Variants in CACNA1G observed in about 807,000 individuals in gnomAD.
The protein encoded by CACNA1G is voltage-dependent T-type calcium channel subunit alpha-1G.
CACNA1G carries 67 observed loss-of-function variants against 219.4 expected under a neutral mutation model. The ratio of observed to expected loss-of-function variants is 0.31; its 90% CI spans 0.25 to 0.37. The LOEUF (loss-of-function observed/expected upper bound fraction) is 0.37, where lower values mean the gene tolerates loss of function less well. Among genes scored for constraint, CACNA1G ranks in the 10% least tolerant of loss-of-function variants. The pLI is 1.00. For missense variants in CACNA1G, 2,380 were observed against 3,231.4 expected, an observed-to-expected ratio of 0.74 and a Z score of 6.39; for synonymous variants, 1,296 against 1,345.3, an observed-to-expected ratio of 0.96 and a Z score of 0.80.
At position 50,609,910 on chromosome 17, in the gene CACNA1G, C is replaced by A. The variant is rs767434117; in HGVS notation, c.4734C>A (p.Ser1578=). The change falls in exon 26 of 38, where the codon TCC becomes TCA. Residue 1578 remains serine, a synonymous_variant. Transcript: ENST00000359106. ...TAATGCTGGACGATGTAATTGCTTC[C>A]GGCAGCTCAGCCAGCGCTGCGTCAG... ...RNLMLDDVIA[S]GSSASAASEA... 3 of 1,611,436 alleles carry A rather than the reference C, an allele frequency of 1.9e-6. No individual in the cohort carries two copies. The highest frequency in any genetic ancestry group is 1.7e-6 in the Non-Finnish European group (2 of 1,179,792).
chr17:50,618,050 G>A lies in CACNA1G; in HGVS notation c.5229G>A (p.Val1743=), dbSNP rs532438743. 2 of 1,613,804 alleles carry A rather than the reference G, an allele frequency of 1.2e-6. No individual in the cohort carries two copies. Among genetic ancestry groups the A allele is most frequent in the African/African-American group, 1.3e-5 (1 of 75,014 alleles). ...LDTVMQALPQ[V]GNLGLLFMLL... ...CTATTTCTTCTCCTTTTTTCCAGGT[G>A]GGGAACCTGGGACTTCTCTTCATGT... Residue 1743 remains valine, a splice_region_variant and synonymous_variant, in exon 31 of 38, where the codon GTG becomes GTA. Transcript: ENST00000359106. This position sits in a 1 kb window ranked among gnomAD's most constrained non-coding sequence, Gnocchi z 5.3.
Position 50,618,992 on chromosome 17 carries a change from C to T in CACNA1G, c.5765C>T (p.Ser1922Phe), listed in dbSNP as rs763517294. The change falls in exon 33 of 38, where the codon TCC becomes TTC. Residue 1922 changes from serine (S) to phenylalanine (F), a missense_variant. Physicochemically the swap from Ser to Phe is radical, Grantham distance 155 (BLOSUM62 -2). Transcript: ENST00000359106. This position sits in a 1 kb window ranked among gnomAD's most constrained non-coding sequence, Gnocchi z 5.3. ...AAHARSASHF[S>F]LEHPTDRQLF... ...CACGCGAGATCAGCCTCCCACTTTTCCCTGGAGCACCCCACGGTGAGCAGA... is the reference window on the plus strand; with the variant it reads ...CACGCGAGATCAGCCTCCCACTTTTTCCTGGAGCACCCCACGGTGAGCAGA... The T allele has an allele frequency of 5.2e-6, 8 of 1,530,670 alleles. No individual in the cohort carries two copies. Among genetic ancestry groups the T allele is most frequent in the Non-Finnish European group, 6.1e-6 (7 of 1,140,142 alleles). 94.8% of individuals were successfully genotyped at this position (1,530,670 alleles called of 1,614,324 possible). A position where few individuals can be genotyped will look rare whatever the true frequency, so the allele number is the denominator to read the frequency against.
intron 9 of CACNA1G, among the ~76,000 whole-genome samples, chr17:50,579,418 C>G (rs1261328581): frequency 6.6e-6 from 1 of 152,140 alleles, no homozygotes; most frequent in Non-Finnish European, 1.5e-5. Context: ...GATCCCCCAT[C>G]ATGAGCTGAA....
intron 36 of CACNA1G, 40 bp from the exon 37 acceptor site, chr17:50,624,320 T>A (rs1032255673): frequency 7.5e-6 from 11 of 1,457,118 alleles, no homozygotes; most frequent in Non-Finnish European, 1.0e-5. Context: ...CCAGCTCCAT[T>A]CTCTCCCCCC....
At chr17:50,624,194 G>T (rs1424026884) in intron 36 of CACNA1G, 119 bp downstream of exon 36, 2 of 1,348,438 alleles carry the variant, frequency 1.5e-6, no homozygotes, top group Non-Finnish European at 1.0e-6. Flanking sequence ...TCTGACCTCA[G>T]GGGAGCCTCC....
At position 50,596,540 on chromosome 17, in the gene CACNA1G, G is replaced by A. The variant is rs780082430; in HGVS notation, c.2980-22G>A. 1.4e-5 allele frequency: 23 copies of A among 1,609,174 alleles called. No individual in the cohort carries two copies. In the South Asian group the frequency reaches 2.3e-4, roughly 16 times the overall value. On this transcript the variant is annotated intron_variant, in intron 14 of 37. Coordinates refer to ENST00000359106, the MANE Select transcript of CACNA1G (RefSeq NM_018896.5). This position sits in a 1 kb window ranked among gnomAD's most constrained non-coding sequence, Gnocchi z 4.8. ...CCCAAGCCTGGCCGGATCCCTAATGGTCCGCTGCTCCCCTGCCCTAGGGAG... is the reference window on the plus strand; with the variant it reads ...CCCAAGCCTGGCCGGATCCCTAATGATCCGCTGCTCCCCTGCCCTAGGGAG...
Position 50,623,996 on chromosome 17 carries a change from C to T in CACNA1G, c.6150C>T (p.Asp2050=), listed in dbSNP as rs965408226. The part of the protein sequence containing the change: ...GVSRTHSLPN[D]SYMCRHGSTA... ...GCCGAACGCACTCTCTGCCCAATGACAGCTACATGTGTCGGCATGGGAGCA... is the reference window on the plus strand; with the variant it reads ...GCCGAACGCACTCTCTGCCCAATGATAGCTACATGTGTCGGCATGGGAGCA... Residue 2050 remains aspartate, a synonymous_variant, in exon 36 of 38, where the codon GAC becomes GAT. Transcript: ENST00000359106. 6.2e-7 allele frequency: 1 copy of T among 1,613,316 alleles called. No individual in the cohort carries two copies. Among genetic ancestry groups the T allele is most frequent in the Non-Finnish European group, 8.5e-7 (1 of 1,179,856 alleles).
At chr17:50,614,806 G>A (rs1263945059) in intron 26 of CACNA1G, among the ~76,000 whole-genome samples, 1 of 152,206 alleles carries the variant, frequency 6.6e-6, no homozygotes, top group South Asian at 2.1e-4. Flanking sequence ...CCCAGGCCCC[G>A]CCTTCTGGAG....
chr17:50,620,649 A>C (rs2051632688), intron 34 of CACNA1G, among the ~76,000 whole-genome samples: 1 of 152,164 alleles, frequency 6.6e-6, no homozygotes, highest in Non-Finnish European at 1.5e-5. Context: ...GCAGATAGAA[A>C]AGCCGAGTCC....
In CACNA1G at chr17:50,626,890, G is replaced by T. The variant is rs1305391941; in HGVS notation, c.*139G>T. On this transcript the variant is annotated 3_prime_UTR_variant, in exon 38 of 38. Transcript: ENST00000359106. The surrounding 1 kb of genome is among the most constrained non-coding windows in gnomAD (Gnocchi z 4.3). Reference sequence around the variant, plus strand: ...CTCCTCCCTGCCTCAGTGGCTCTGGGTACCTGCAAGCAGAACTTCCAAAGA... The same window carrying T: ...CTCCTCCCTGCCTCAGTGGCTCTGGTTACCTGCAAGCAGAACTTCCAAAGA... 1 of 1,076,338 alleles carries T rather than the reference G, an allele frequency of 9.3e-7. No individual in the cohort carries two copies. The allele number at this position is 1,076,338 out of a possible 1,614,324, so 66.7% of individuals were successfully genotyped here. A position where few individuals can be genotyped will look rare whatever the true frequency, so the allele number is the denominator to read the frequency against.
At position 50,617,638 on chromosome 17, in the gene CACNA1G, G is replaced by T; in HGVS notation, c.5155+67G>T. ...GCCCAGGGAGAGAGAGCAAGGGTCG[G>T]CTTTGTGGCTGGTCAAGGCCTGGGC... On this transcript the variant is annotated intron_variant, in intron 29 of 37. Transcript: ENST00000359106. The surrounding 1 kb of genome is among the most constrained non-coding windows in gnomAD (Gnocchi z 5.8). 1.3e-6 allele frequency: 2 copies of T among 1,574,784 alleles called. No homozygotes were observed. The highest frequency in any genetic ancestry group is 2.3e-5 in the South Asian group (2 of 86,928).
At chr17:50,607,546 A>C (rs991328991) in intron 24 of CACNA1G, 15 of 431,116 alleles carry the variant, frequency 3.5e-5, no homozygotes, top group Non-Finnish European at 5.9e-5. Flanking sequence ...ATTTGTGTCT[A>C]CTCAGGAAAA....
At position 50,571,246 on chromosome 17, in the gene CACNA1G, G is replaced by GTGAA. The variant is rs1386108915; in HGVS notation, c.587-631_587-628dup. Among the ~76,000 whole-genome samples, 2 of 152,212 alleles carry GTGAA rather than the reference G, an allele frequency of 1.3e-5. No individual in the cohort carries two copies. Among genetic ancestry groups the GTGAA allele is most frequent in the Admixed American group, 1.3e-4 (2 of 15,288 alleles). On this transcript the variant is annotated intron_variant, in intron 4 of 37. Transcript: ENST00000359106. The surrounding 1 kb of genome is among the most constrained non-coding windows in gnomAD (Gnocchi z 4.3). ...CAGGGAAGCAGGGCTCAGAGCCATA[G>GTGAA]TGAAGCACAGGGCATCTTGGCCCCT... is the stretch of plus-strand genomic sequence containing the variant.
At position 50,575,873 on chromosome 17, in the gene CACNA1G, G is replaced by T. The variant is rs201788352; in HGVS notation, c.1471G>T (p.Val491Phe). The T allele has an allele frequency of 1.9e-6, 3 of 1,553,240 alleles. No individual in the cohort carries two copies. Among genetic ancestry groups the T allele is most frequent in the Non-Finnish European group, 8.7e-7 (1 of 1,149,710 alleles). Reference protein sequence around the residue: ...SCSRSHRRLSVHHLVHHHHHH... With the variant: ...SCSRSHRRLSFHHLVHHHHHH... ...CTCTCGCTCCCACCGCCGCCTATCC[G>T]TCCACCACCTGGTGCACCACCACCA... The change falls in exon 8 of 38, where the codon GTC becomes TTC. Residue 491 changes from valine to phenylalanine, a missense_variant. Physicochemically the swap from Val to Phe is conservative, Grantham distance 50 (BLOSUM62 -1). Coordinates refer to ENST00000359106, the MANE Select transcript of CACNA1G (RefSeq NM_018896.5).
At chr17:50,567,163 G>C (rs1433899462) in intron 1 of CACNA1G, among the ~76,000 whole-genome samples, 1 of 152,228 alleles carries the variant, frequency 6.6e-6, no homozygotes, top group Non-Finnish European at 1.5e-5. Context: ...GCTCTACTCA[G>C]AAAAACAATT....
chr17:50,561,776 A>G, intron 1 of CACNA1G, 75 bp downstream of exon 1: 2 of 1,166,656 alleles, frequency 1.7e-6, no homozygotes, highest in Non-Finnish European at 1.1e-6. Flanking sequence ...TCGGGGGGGA[A>G]GAAGACCCAC....
intron 37 of CACNA1G, among the ~76,000 whole-genome samples, chr17:50,625,396 T>A (rs983254425): frequency 3.3e-5 from 5 of 152,234 alleles, no homozygotes; most frequent in African/African-American, 1.2e-4. Context: ...CTAAGCAGCC[T>A]CTGTGTGCCA....
chr17:50,577,039 G>A (rs1393463972), intron 8 of CACNA1G, among the ~76,000 whole-genome samples: 3 of 152,212 alleles, frequency 2.0e-5, no homozygotes, highest in African/African-American at 2.4e-5. Flanking sequence ...GATGTGGCAC[G>A]TGGGGAGCAG....
chr17:50,600,739 G>A lies in CACNA1G; in HGVS notation c.3704G>A (p.Arg1235Gln), dbSNP rs150972562. Residue 1235 changes from arginine (R) to glutamine (Q), a missense_variant, in exon 18 of 38, where the codon CGG becomes CAG. Transcript: ENST00000359106. The surrounding 1 kb of genome is among the most constrained non-coding windows in gnomAD (Gnocchi z 4.1). ...DDEGNLSKGE[R>Q]VRAWIRARLP... ...TTTGTTCTGCAGAGCAAAGGGGAAC[G>A]GGTCCGCGCGTGGATCCGAGCCCGA... 2.8e-3 allele frequency: 4,522 copies of A among 1,613,762 alleles called. 5 individuals are homozygous for A. Among genetic ancestry groups the A allele is most frequent in the Non-Finnish European group, 3.6e-3 (4,247 of 1,179,762 alleles).
Sources: gnomAD v4.1 joint callset for allele counts (sites outside exome capture counted in the v4.1 genomes callset) on GRCh38, gnomAD v4.1.1 for gene constraint, Gnocchi (gnomAD v3.1) non-coding constraint, MANE v1.5 for transcripts, NCBI Gene and HGNC (gene_info 2026-07-23, HGNC 2026-07-21) for gene names.